The following RGS6 variants were observed in gnomAD, a reference collection of about 807,000 sequenced individuals.
RGS6 encodes regulator of G-protein signaling 6.
A neutral mutation model predicts 78.5 loss-of-function variants in RGS6; 30 were observed. The observed-to-expected ratio is 0.38, with a 90% CI of 0.29 to 0.52. The LOEUF is 0.52. Among genes scored for constraint, RGS6 ranks in the 20% least tolerant of loss-of-function variants. The pLI is 0.85. For missense variants in RGS6, 495 were observed against 609.7 expected (o/e 0.81, Z 1.98); for synonymous variants, 206 against 206.0 (o/e 1.00, Z 0.00).
chr14:71,942,259 T>G (rs952774774), intron 1 of RGS6, among the ~76,000 whole-genome samples: 9 of 152,164 alleles, frequency 5.9e-5, no homozygotes, highest in African/African-American at 2.2e-4. Flanking sequence ...AATACCTGTT[T>G]GAGATGTTAC....
At chr14:72,466,240 A>C (rs1039740720) in intron 7 of RGS6, among the ~76,000 whole-genome samples, 1 of 152,228 alleles carries the variant, frequency 6.6e-6, no homozygotes, top group African/African-American at 2.4e-5. Context: ...ATACCAAGTG[A>C]TGGTGAGGAA....
At chr14:72,096,781 C>G (rs572219936) in intron 2 of RGS6, among the ~76,000 whole-genome samples, 1 of 152,326 alleles carries the variant, frequency 6.6e-6, no homozygotes, top group East Asian at 1.9e-4. Flanking sequence ...AGTCATGAAG[C>G]ATCCACTTTC....
In RGS6 at chr14:72,561,285, C is replaced by T. The variant is rs115020814; in HGVS notation, c.1423-1132C>T. 4.0e-3 allele frequency among the ~76,000 whole-genome samples: 613 copies of T among 152,288 alleles called. 5 individuals carry two copies. The highest frequency in any genetic ancestry group is 0.01 in the African/African-American group (431 of 41,548). ...GGAATCGCTGGCCCTTGCAATCTCA[C>T]GGCCAAACACTGCAGCCCCATGCTG... On this transcript the variant is annotated intron_variant, in intron 17 of 17. Transcript: ENST00000553525.
At chr14:71,931,773 T>C (rs2087882259), upstream of RGS6, among the ~76,000 whole-genome samples, 1 of 152,240 alleles carries the variant, frequency 6.6e-6, no homozygotes, top group African/African-American at 2.4e-5. Context: ...CAGTTCAAGT[T>C]ACTTTCTCAT....
the RGS6 span, among the ~76,000 whole-genome samples, chr14:71,905,168 C>T: frequency 6.6e-6 from 1 of 152,150 alleles, no homozygotes; most frequent in African/African-American, 2.4e-5. Flanking sequence ...TTTCTTTTTC[C>T]ATCCATGGAC....
intron 3 of RGS6, among the ~76,000 whole-genome samples, chr14:72,356,716 A>G (rs538932500): frequency 6.6e-6 from 1 of 152,076 alleles, no homozygotes; most frequent in South Asian, 2.1e-4. Context: ...GTGAGTTCTA[A>G]TGAGATCTGA....
intron 6 of RGS6, 38 bp downstream of exon 6, chr14:72,459,721 A>G: frequency 6.3e-7 from 1 of 1,596,742 alleles, no homozygotes; most frequent in Non-Finnish European, 8.6e-7. Context: ...CAACTTCAAC[A>G]CTGTGTGTCA....
At chr14:71,985,209 C>T (rs555186282) in intron 2 of RGS6, among the ~76,000 whole-genome samples, 71 of 151,934 alleles carry the variant, frequency 4.7e-4, no homozygotes, top group Middle Eastern at 3.4e-3. Context: ...CTGCAACCGC[C>T]GCCTCCTAAG....
intron 1 of RGS6, among the ~76,000 whole-genome samples, chr14:71,960,357 TTA>T (rs1454372565): frequency 1.3e-5 from 2 of 152,216 alleles, no homozygotes; most frequent in African/African-American, 4.8e-5. Context: ...GGGAAAATCT[TTA>T]TGTGTGATGC....
chr14:72,353,050 G>C (rs554022074), intron 3 of RGS6, among the ~76,000 whole-genome samples: 37 of 152,296 alleles, frequency 2.4e-4, no homozygotes, highest in Admixed American at 2.4e-3. Flanking sequence ...AGTACCAAGT[G>C]GTGGTGAGCA....
At chr14:72,568,775 A>G (rs1035563082), downstream of RGS6, among the ~76,000 whole-genome samples, 2 of 152,178 alleles carry the variant, frequency 1.3e-5, no homozygotes, top group Non-Finnish European at 2.9e-5. Context: ...AAAATACTCA[A>G]TTTCAGGCCA....
At chr14:72,622,004 A>C in the RGS6 span, among the ~76,000 whole-genome samples, 1 of 152,164 alleles carries the variant, frequency 6.6e-6, no homozygotes. Flanking sequence ...TGAGATATGG[A>C]CTTGGGATTC....
At chr14:71,969,744 A>T (rs964000269) in intron 2 of RGS6, among the ~76,000 whole-genome samples, 8 of 152,240 alleles carry the variant, frequency 5.3e-5, no homozygotes, top group Non-Finnish European at 1.0e-4. Context: ...TAGCTTAATA[A>T]ATAAAATGTA....
intron 1 of RGS6, among the ~76,000 whole-genome samples, chr14:71,939,843 C>T (rs946441801): frequency 6.6e-6 from 1 of 152,204 alleles, no homozygotes; most frequent in African/African-American, 2.4e-5. Context: ...GCACTAATCT[C>T]CTCAGTCCCT....
rs575029412 is a variant in RGS6, at chr14:72,151,227, T to C, written c.84+186352T>C. Reference sequence around the variant, plus strand: ...GAAACCTGGGTCTTAGTCTCTGTTATGGTAAATAGAGAAGAAATCAAGCCT... The same window carrying C: ...GAAACCTGGGTCTTAGTCTCTGTTACGGTAAATAGAGAAGAAATCAAGCCT... On this transcript the variant is annotated intron_variant, in intron 2 of 17. Transcript: ENST00000553525. Among the ~76,000 whole-genome samples the C allele has an allele frequency of 4.6e-5, 7 of 152,280 alleles. No homozygotes were observed. The East Asian group carries it at 7.7e-4, about 17-fold the overall frequency.
At chr14:72,165,458 G>A (rs1010615499) in intron 2 of RGS6, among the ~76,000 whole-genome samples, 1 of 152,222 alleles carries the variant, frequency 6.6e-6, no homozygotes, top group East Asian at 1.9e-4. Flanking sequence ...GCTGCAAGCA[G>A]TTATGCTGTA....
chr14:72,052,956 T>C (rs2093351625), intron 2 of RGS6, among the ~76,000 whole-genome samples: 1 of 40,120 alleles, frequency 2.5e-5, no homozygotes, highest in South Asian at 1.1e-3. Flanking sequence ...TTTCTTTCTT[T>C]CTTTCTTTCT....
intron 2 of RGS6, among the ~76,000 whole-genome samples, chr14:72,302,673 C>T (rs2066344913): frequency 6.8e-6 from 1 of 146,180 alleles, no homozygotes; most frequent in African/African-American, 2.7e-5. Context: ...CCAACACACA[C>T]ATACACATAC....
intron 2 of RGS6, among the ~76,000 whole-genome samples, chr14:72,093,414 GA>G (rs1045254452): frequency 1.3e-5 from 2 of 151,840 alleles, no homozygotes; most frequent in Non-Finnish European, 2.9e-5. Flanking sequence ...ACCTAATTTT[GA>G]AAAAAATTTT....
Sources: gnomAD v4.1 joint callset for allele counts (sites outside exome capture counted in the v4.1 genomes callset) on GRCh38, gnomAD v4.1.1 for gene constraint, MANE v1.5 for transcripts, NCBI Gene and HGNC (gene_info 2026-07-23, HGNC 2026-07-21) for gene names.